Variants in RNF220 observed in about 807,000 individuals in gnomAD.
The protein encoded by RNF220 is ring finger protein 220.
Under a neutral mutation model 67.1 loss-of-function variants are expected in RNF220, and 7 were observed. The observed-to-expected ratio is 0.10, with a 90% CI of 0.06 to 0.20. RNF220 has a LOEUF of 0.20. Among genes scored for constraint, RNF220 ranks in the 10% least tolerant of loss-of-function variants. The pLI, the probability that RNF220 is intolerant of heterozygous loss-of-function variation, is 1.00. For synonymous variants in RNF220, 270 were observed against 283.2 expected (o/e 0.95, Z 0.47); for missense variants, 565 against 740.3 (o/e 0.76, Z 2.75).
chr1:44,555,146 C>T (rs1034921768), intron 2 of RNF220, among the ~76,000 whole-genome samples: 10 of 151,584 alleles, frequency 6.6e-5, no homozygotes, highest in African/African-American at 2.4e-4. Flanking sequence ...CAGCTCACTG[C>T]AGCCTCCACC....
At chr1:44,631,201 A>G (rs1644106477) in intron 5 of RNF220, among the ~76,000 whole-genome samples, 1 of 152,226 alleles carries the variant, frequency 6.6e-6, no homozygotes, top group Admixed American at 6.5e-5. Context: ...AAAACTTCAC[A>G]AGCGATGATA....
chr1:44,444,094 A>AAAAG (rs921650322), intron 2 of RNF220, among the ~76,000 whole-genome samples: 5 of 152,206 alleles, frequency 3.3e-5, no homozygotes, highest in Non-Finnish European at 4.4e-5. Flanking sequence ...CCGTCTCAAA[A>AAAAG]AAAGAAAGAA....
chr1:44,456,579 C>T (rs1408689899), intron 2 of RNF220, among the ~76,000 whole-genome samples: 1 of 152,196 alleles, frequency 6.6e-6, no homozygotes, highest in Non-Finnish European at 1.5e-5. Context: ...TCCCTGTCCT[C>T]AAGGAGCTTC....
chr1:44,445,225 A>G (rs1229484279), intron 2 of RNF220, among the ~76,000 whole-genome samples: 1 of 152,056 alleles, frequency 6.6e-6, no homozygotes, highest in Admixed American at 6.5e-5. Context: ...TAATTTCTTC[A>G]TGTAGGCTTA....
chr1:44,405,952 G>A (rs1647286582), intron 1 of RNF220, among the ~76,000 whole-genome samples: 1 of 152,228 alleles, frequency 6.6e-6, no homozygotes, highest in Non-Finnish European at 1.5e-5. Context: ...TATCGAGAAT[G>A]CCTTCTCGCC....
chr1:44,435,158 A>G (rs893912125), intron 2 of RNF220, among the ~76,000 whole-genome samples: 1 of 152,232 alleles, frequency 6.6e-6, no homozygotes, highest in African/African-American at 2.4e-5. Context: ...GCCTAAAAAA[A>G]CACCAAAAAA....
intron 2 of RNF220, among the ~76,000 whole-genome samples, chr1:44,557,337 G>A (rs1663190702): frequency 6.7e-6 from 1 of 150,352 alleles, no homozygotes; most frequent in Admixed American, 6.6e-5. Flanking sequence ...CCAGTTCTGG[G>A]CAACATAGTG....
chr1:44,507,807 GTAGCATTGTTCTCTGGCC>G, intron 2 of RNF220, among the ~76,000 whole-genome samples: 1 of 152,286 alleles, frequency 6.6e-6, no homozygotes, highest in South Asian at 2.1e-4. Context: ...GATCAAGTCG[GTAGCATTGTTCTCTGGCC>G]AGGGAACCAA....
At chr1:44,614,522 A>T (rs1643462062) in intron 3 of RNF220, among the ~76,000 whole-genome samples, 1 of 152,310 alleles carries the variant, frequency 6.6e-6, no homozygotes, top group Non-Finnish European at 1.5e-5. Flanking sequence ...GTGACCCCGC[A>T]GGCCCCAGCC....
In RNF220 at chr1:44,624,728, C is replaced by G. The variant is rs1643890374; in HGVS notation, c.805-1569C>G. On this transcript the variant is annotated intron_variant, in intron 4 of 14. Transcript: ENST00000361799. The surrounding 1 kb of genome is among the most constrained non-coding windows in gnomAD (Gnocchi z 4.2). ...AGGGGGCCTTAGACAAGATTGATGG[C>G]CTCGTTGCCATTAAGAAAAAAATTA... Among the ~76,000 whole-genome samples the G allele has an allele frequency of 6.6e-6, 1 of 152,076 alleles. No individual in the cohort carries two copies.
intron 2 of RNF220, among the ~76,000 whole-genome samples, chr1:44,522,409 G>A (rs1456397257): frequency 6.6e-6 from 1 of 152,190 alleles, no homozygotes; most frequent in Non-Finnish European, 1.5e-5. Context: ...CCCAATAAAT[G>A]TGAGGCCCCA....
Position 44,527,234 on chromosome 1 carries a change from C to A in RNF220, c.626-86931C>A, listed in dbSNP as rs147549629. On this transcript the variant is annotated intron_variant, in intron 2 of 14. Coordinates refer to ENST00000361799, the MANE Select transcript of RNF220 (RefSeq NM_018150.4). ...GACTCAACATATTCAATACTGACAT[C>A]ATTATATTCTTCCAAGCCTGCAACT... Among the ~76,000 whole-genome samples the A allele has an allele frequency of 2.4e-4, 36 of 152,186 alleles. 1 individual carries two copies. The highest frequency in any genetic ancestry group is 8.4e-4 in the African/African-American group (35 of 41,510).
rs541735392 is a variant in RNF220 at position 44,440,252 on chromosome 1, C to G, written c.625+27530C>G. On this transcript the variant is annotated intron_variant, in intron 2 of 14. Transcript: ENST00000361799. Reference sequence around the variant, plus strand: ...CTAGTGGCTACTATATTGGACAGAGCAGGTACTGAACCTTTTCATCATTGC... The same window carrying G: ...CTAGTGGCTACTATATTGGACAGAGGAGGTACTGAACCTTTTCATCATTGC... Among the ~76,000 whole-genome samples the G allele has an allele frequency of 2.8e-4, 42 of 152,318 alleles. No homozygotes were observed. The South Asian group carries it at 3.7e-3, about 14-fold the overall frequency.
chr1:44,558,547 G>A (rs1663303358), intron 2 of RNF220, among the ~76,000 whole-genome samples: 1 of 152,174 alleles, frequency 6.6e-6, no homozygotes, highest in African/African-American at 2.4e-5. Flanking sequence ...TATGCCAGGT[G>A]CTTTATATAC....
In RNF220 at chr1:44,651,420, T is replaced by G. The variant is rs1393683543; in HGVS notation, c.*645T>G. 1 of 155,782 alleles carries G rather than the reference T, an allele frequency of 6.4e-6. No individual in the cohort carries two copies. The highest frequency in any genetic ancestry group is 1.4e-5 in the Non-Finnish European group (1 of 69,788). The allele number at this position is 155,782 out of a possible 1,614,324, so 9.6% of individuals were successfully genotyped here. ...GGGGCACACGCCCCAAGGGACATGA[T>G]CCTCTCCTTAGTCTTAGCTCATGGG... On this transcript the variant is annotated 3_prime_UTR_variant, in exon 15 of 15. Transcript: ENST00000361799.
At chr1:44,499,381 T>C (rs1378636708) in intron 2 of RNF220, among the ~76,000 whole-genome samples, 1 of 152,190 alleles carries the variant, frequency 6.6e-6, no homozygotes, top group African/African-American at 2.4e-5. Flanking sequence ...TCCTGTGAAA[T>C]GGCTTTTGTC....
intron 2 of RNF220, among the ~76,000 whole-genome samples, chr1:44,413,356 G>A (rs1011524183): frequency 6.6e-6 from 1 of 152,114 alleles, no homozygotes; most frequent in African/African-American, 2.4e-5. Context: ...CTTATCCTGG[G>A]GCTCACTTTT....
chr1:44,491,060 A>C (rs952309600), intron 2 of RNF220, among the ~76,000 whole-genome samples: 2 of 152,200 alleles, frequency 1.3e-5, no homozygotes, highest in Admixed American at 1.3e-4. Context: ...GCATAGACCT[A>C]TAACAATTAA....
chr1:44,650,637 C>A lies in RNF220; in HGVS notation c.1630-67C>A. The A allele has an allele frequency of 6.5e-7, 1 of 1,535,024 alleles. No individual in the cohort carries two copies. The highest frequency in any genetic ancestry group is 9.0e-7 in the Non-Finnish European group (1 of 1,110,064). On this transcript the variant is annotated intron_variant, in intron 14 of 14. Coordinates refer to ENST00000361799, the MANE Select transcript of RNF220 (RefSeq NM_018150.4). The surrounding 1 kb of genome is among the most constrained non-coding windows in gnomAD (Gnocchi z 4.3). ...TGGTGCAGAGAGACATGGCTGCAGG[C>A]CCAGGTGCTCACATGCGCACACATG... is the stretch of plus-strand genomic sequence containing the variant.
Sources: allele counts gnomAD v4.1 joint callset (sites outside exome capture counted in the v4.1 genomes callset), GRCh38; gene constraint gnomAD v4.1.1; non-coding constraint Gnocchi (gnomAD v3.1); transcripts MANE v1.5; gene names NCBI Gene and HGNC (gene_info 2026-07-23, HGNC 2026-07-21).